Variants in DNAI4 observed in about 807,000 individuals in gnomAD.
The protein encoded by DNAI4 is dynein axonemal intermediate chain 4, also known as WD repeat domain 78.
Under a neutral mutation model 105.8 loss-of-function variants are expected in DNAI4, and 85 were observed. That is an observed-to-expected ratio of 0.80 (90% CI 0.67 to 0.96). The LOEUF (loss-of-function observed/expected upper bound fraction) is 0.96, where lower values mean the gene tolerates loss of function less well. DNAI4 is among the 40% of genes least tolerant of loss of function. The pLI, the probability that DNAI4 is intolerant of heterozygous loss-of-function variation, is 0.00. For synonymous variants in DNAI4, 352 were observed against 331.5 expected, an observed-to-expected ratio of 1.06 and a Z score of -0.67; for missense variants, 1,014 against 1,005.6, an observed-to-expected ratio of 1.01 and a Z score of -0.11.
chr1:66,881,207 G>T (rs971820782), intron 4 of DNAI4, among the ~76,000 whole-genome samples: 5 of 152,236 alleles, frequency 3.3e-5, no homozygotes, highest in Admixed American at 6.5e-5. Context: ...GGAAATGTGG[G>T]GTGGGAGCCC....
intron 13 of DNAI4, among the ~76,000 whole-genome samples, chr1:66,833,380 G>A (rs1051943481): frequency 1.3e-5 from 2 of 152,070 alleles, no homozygotes; most frequent in Non-Finnish European, 2.9e-5. Flanking sequence ...TCATTAGTAA[G>A]TCATTCCCTA....
chr1:66,864,932 G>C (rs1216057104), intron 6 of DNAI4, among the ~76,000 whole-genome samples: 1 of 152,244 alleles, frequency 6.6e-6, no homozygotes, highest in Non-Finnish European at 1.5e-5. Context: ...TGATAGGACA[G>C]TGTACAGGGG....
intron 1 of DNAI4, among the ~76,000 whole-genome samples, chr1:66,915,875 A>C (rs758311113): frequency 9.9e-5 from 15 of 152,140 alleles, no homozygotes; most frequent in Non-Finnish European, 5.9e-5. Flanking sequence ...GTAATCCAAC[A>C]CTTTGGGAGG....
chr1:66,909,939 C>G (rs1649535136), intron 1 of DNAI4, among the ~76,000 whole-genome samples: 1 of 152,140 alleles, frequency 6.6e-6, no homozygotes, highest in South Asian at 2.1e-4. Flanking sequence ...CATCCTGGTC[C>G]AAACACTATC....
chr1:66,921,648 T>G (rs1429623852), intron 1 of DNAI4, among the ~76,000 whole-genome samples: 2 of 152,212 alleles, frequency 1.3e-5, no homozygotes, highest in Non-Finnish European at 2.9e-5. Context: ...TTTTTCAATT[T>G]AATAAACTCA....
At chr1:66,838,265 C>T (rs1024573818) in intron 9 of DNAI4, among the ~76,000 whole-genome samples, 4 of 152,104 alleles carry the variant, frequency 2.6e-5, no homozygotes, top group African/African-American at 4.8e-5. Context: ...TAGAAGGAAT[C>T]GCAGGTTAAA....
At chr1:66,875,007 A>T (rs139921701) in intron 4 of DNAI4, 70 bp from the exon 5 acceptor site, 2 of 1,357,428 alleles carry the variant, frequency 1.5e-6, no homozygotes, top group Non-Finnish European at 2.0e-6. Context: ...CCTTCTAGTC[A>T]CCAATATACC....
intron 4 of DNAI4, among the ~76,000 whole-genome samples, chr1:66,883,839 G>A (rs1210527658): frequency 6.6e-6 from 1 of 152,046 alleles, no homozygotes; most frequent in East Asian, 1.9e-4. Context: ...CAACATTTTT[G>A]TAGTGAAAAT....
At chr1:66,823,231 C>T (rs1029175772) in intron 15 of DNAI4, among the ~76,000 whole-genome samples, 2 of 146,876 alleles carry the variant, frequency 1.4e-5, no homozygotes, top group Admixed American at 1.4e-4. Flanking sequence ...CTACAAAGGA[C>T]ATGAACTCAT....
At chr1:66,892,735 G>A (rs1465914179) in intron 3 of DNAI4, among the ~76,000 whole-genome samples, 3 of 151,558 alleles carry the variant, frequency 2.0e-5, no homozygotes, top group South Asian at 2.1e-4. Flanking sequence ...GTGACACCCC[G>A]TCTCTATTAA....
chr1:66,883,455 T>C (rs1647125432), intron 4 of DNAI4, among the ~76,000 whole-genome samples: 1 of 152,072 alleles, frequency 6.6e-6, no homozygotes, highest in Non-Finnish European at 1.5e-5. Context: ...TTTTTGGTTT[T>C]TTAGTATATA....
chr1:66,836,140 A>AAAG (rs1645983018), intron 10 of DNAI4, among the ~76,000 whole-genome samples: 5 of 96,070 alleles, frequency 5.2e-5, no homozygotes, highest in African/African-American at 2.2e-4. Flanking sequence ...AGAAAGAAAG[A>AAAG]AAAGAAAGAA....
intron 9 of DNAI4, among the ~76,000 whole-genome samples, chr1:66,839,071 A>G (rs149765956): frequency 2.0e-5 from 3 of 152,304 alleles, no homozygotes; most frequent in East Asian, 3.9e-4. Context: ...CAATGCATTA[A>G]TTTTTAAAAT....
chr1:66,887,033 C>T (rs1174635151), intron 4 of DNAI4, among the ~76,000 whole-genome samples: 2 of 151,768 alleles, frequency 1.3e-5, no homozygotes, highest in African/African-American at 4.8e-5. Flanking sequence ...AGGCCACTAG[C>T]TTATCCTCAG....
chr1:66,822,582 A>G (rs1645653805), intron 15 of DNAI4, 65 bp from the exon 16 acceptor site: 1 of 1,324,348 alleles, frequency 7.6e-7, no homozygotes, highest in South Asian at 2.0e-5. Context: ...AAATAGACAA[A>G]GAAAAATTTG....
chr1:66,888,363 G>A (rs1178653923), intron 4 of DNAI4, among the ~76,000 whole-genome samples: 1 of 152,056 alleles, frequency 6.6e-6, no homozygotes, highest in East Asian at 1.9e-4. Flanking sequence ...GAATTGTTTA[G>A]GTGTCATTCA....
chr1:66,882,613 TA>T (rs1161651248), intron 4 of DNAI4, among the ~76,000 whole-genome samples: 5 of 152,294 alleles, frequency 3.3e-5, no homozygotes, highest in African/African-American at 1.2e-4. Flanking sequence ...TGTATTTTTG[TA>T]AAAAATCAGT....
At chr1:66,898,428 A>G (rs991384969) in intron 2 of DNAI4, among the ~76,000 whole-genome samples, 3 of 152,182 alleles carry the variant, frequency 2.0e-5, no homozygotes, top group Non-Finnish European at 2.9e-5. Flanking sequence ...CTTGGTCCCT[A>G]ATGCAATAGT....
At chr1:66,923,052 A>G (rs899999210) in intron 1 of DNAI4, among the ~76,000 whole-genome samples, 1 of 152,180 alleles carries the variant, frequency 6.6e-6, no homozygotes, top group Non-Finnish European at 1.5e-5. Flanking sequence ...AAAAATTCCT[A>G]TTGTCTAACA....
Sources: allele counts gnomAD v4.1 joint callset (sites outside exome capture counted in the v4.1 genomes callset), GRCh38; gene constraint gnomAD v4.1.1; transcripts MANE v1.5; gene names NCBI Gene and HGNC (gene_info 2026-07-23, HGNC 2026-07-21).